Variants in KLHL29 observed in about 807,000 individuals in gnomAD.
The protein encoded by KLHL29 is kelch-like protein 29.
KLHL29 carries 21 observed loss-of-function variants against 80.4 expected under a neutral mutation model. That is an observed-to-expected ratio of 0.26 (90% CI 0.19 to 0.38). KLHL29 has a LOEUF of 0.38. Ranked by LOEUF, KLHL29 falls within the 10% of genes least tolerant of loss-of-function variation. The pLI is 1.00. For missense variants in KLHL29, 867 were observed against 1,223.9 expected (o/e 0.71, Z 4.35); for synonymous variants, 511 against 526.8 (o/e 0.97, Z 0.41).
intron 2 of KLHL29, chr2:23,532,556 C>T (rs1304019194): frequency 4.4e-6 from 2 of 456,618 alleles, no homozygotes; most frequent in Admixed American, 2.3e-5. Context: ...GTTAAAATCT[C>T]ACTTTCACTT....
At chr2:23,436,535 A>G (rs1438061201) in intron 1 of KLHL29, among the ~76,000 whole-genome samples, 1 of 152,094 alleles carries the variant, frequency 6.6e-6, no homozygotes, top group Non-Finnish European at 1.5e-5. Flanking sequence ...AGCTGCACAG[A>G]TAAAAGCAGA....
At chr2:23,600,886 TA>T (rs1668552717) in intron 3 of KLHL29, among the ~76,000 whole-genome samples, 1 of 152,164 alleles carries the variant, frequency 6.6e-6, no homozygotes, top group African/African-American at 2.4e-5. Context: ...GTGAGAATAA[TA>T]ACAGCCAGTA....
Position 23,647,492 on chromosome 2 carries a change from G to T in KLHL29, c.940+4642G>T, listed in dbSNP as rs1385407946. Among the ~76,000 whole-genome samples the T allele has an allele frequency of 6.6e-6, 1 of 152,154 alleles. No homozygotes were observed. The highest frequency in any genetic ancestry group is 1.5e-5 in the Non-Finnish European group (1 of 68,030). ...GCCCTTTGTCCACCTCTAGCACTAA[G>T]TCTGAAAACTCAATCGATTCAGGTT... On this transcript the variant is annotated intron_variant, in intron 5 of 13. Transcript: ENST00000486442. This position sits in a 1 kb window ranked among gnomAD's most constrained non-coding sequence, Gnocchi z 4.9.
intron 2 of KLHL29, among the ~76,000 whole-genome samples, chr2:23,500,858 G>T (rs535606921): frequency 6.6e-6 from 1 of 152,286 alleles, no homozygotes; most frequent in African/African-American, 2.4e-5. Flanking sequence ...TTTGAGTTCA[G>T]TTCACGAGGT....
chr2:23,502,569 C>G (rs968311983), intron 2 of KLHL29, among the ~76,000 whole-genome samples: 2 of 152,256 alleles, frequency 1.3e-5, no homozygotes, highest in Non-Finnish European at 2.9e-5. Flanking sequence ...ATCCTCTGAC[C>G]CGCATGAAAT....
In KLHL29 at chr2:23,684,508, C is replaced by T; in HGVS notation, c.1050C>T (p.Cys350=). The T allele has an allele frequency of 6.5e-7, 1 of 1,550,144 alleles. No homozygotes were observed. Among genetic ancestry groups the T allele is most frequent in the Non-Finnish European group, 8.7e-7 (1 of 1,146,618 alleles). The part of the protein sequence containing the change: ...FEVHQNVLAS[C]SLYFKDLIQR... ...TCCACCAAAATGTTCTAGCTTCCTG[C>T]AGCTTGTATTTCAAGGACCTGATTC... The change falls in exon 6 of 14, where the codon TGC becomes TGT. Residue 350 remains cysteine (C), a synonymous_variant. Transcript: ENST00000486442. The surrounding 1 kb of genome is among the most constrained non-coding windows in gnomAD (Gnocchi z 4.4).
At chr2:23,535,415 T>C (rs1444647144) in intron 2 of KLHL29, among the ~76,000 whole-genome samples, 2 of 152,244 alleles carry the variant, frequency 1.3e-5, no homozygotes, top group African/African-American at 2.4e-5. Flanking sequence ...AAGATTAAAA[T>C]TAATGTAAAA....
intron 2 of KLHL29, among the ~76,000 whole-genome samples, chr2:23,509,494 C>G (rs1354109157): frequency 6.6e-6 from 1 of 152,040 alleles, no homozygotes. Context: ...TCGCCACTCC[C>G]TCCTCTTTAA....
intron 1 of KLHL29, among the ~76,000 whole-genome samples, chr2:23,413,471 C>A (rs1167041283): frequency 6.6e-6 from 1 of 152,188 alleles, no homozygotes; most frequent in African/African-American, 2.4e-5. Flanking sequence ...TCCACTGAGC[C>A]AGGACTGCCA....
intron 2 of KLHL29, among the ~76,000 whole-genome samples, chr2:23,530,990 T>C (rs903021576): frequency 3.9e-5 from 6 of 152,210 alleles, no homozygotes; most frequent in Admixed American, 2.6e-4. Flanking sequence ...GTGGGGTGTT[T>C]AACTGGGTGT....
chr2:23,393,554 A>T (rs145531094), intron 1 of KLHL29, among the ~76,000 whole-genome samples: 14 of 152,314 alleles, frequency 9.2e-5, no homozygotes, highest in African/African-American at 2.9e-4. Flanking sequence ...TTTTAAGGAA[A>T]AAATGAAACA....
At chr2:23,672,109 C>T (rs1422558991) in intron 5 of KLHL29, 1 of 152,314 alleles carries the variant, frequency 6.6e-6, no homozygotes, top group Non-Finnish European at 1.5e-5. Flanking sequence ...TCACGGCCAC[C>T]ATGGCCATCA....
chr2:23,671,723 G>A (rs956139544), intron 5 of KLHL29, among the ~76,000 whole-genome samples: 2 of 152,182 alleles, frequency 1.3e-5, no homozygotes, highest in East Asian at 1.9e-4. Flanking sequence ...CCAGCCAGCC[G>A]GGGCCTCCGA....
intron 2 of KLHL29, among the ~76,000 whole-genome samples, chr2:23,486,879 A>C (rs75242747): frequency 6.6e-6 from 1 of 152,256 alleles, no homozygotes; most frequent in South Asian, 2.1e-4. Context: ...GGCATGACTG[A>C]GTCTGTGAAC....
At chr2:23,624,051 T>A (rs1669250814) in intron 3 of KLHL29, among the ~76,000 whole-genome samples, 1 of 152,156 alleles carries the variant, frequency 6.6e-6, no homozygotes, top group Non-Finnish European at 1.5e-5. Context: ...TGGGCTTACT[T>A]GGAGGTATTT....
chr2:23,397,189 G>A (rs1666472908), intron 1 of KLHL29, among the ~76,000 whole-genome samples: 1 of 152,172 alleles, frequency 6.6e-6, no homozygotes, highest in Admixed American at 6.5e-5. Flanking sequence ...TGCCTTGATG[G>A]GATAAAGGCA....
intron 3 of KLHL29, among the ~76,000 whole-genome samples, chr2:23,626,723 C>A (rs1261619433): frequency 6.6e-6 from 1 of 152,238 alleles, no homozygotes; most frequent in Admixed American, 6.5e-5. Context: ...CGCCGCCCTG[C>A]CTGCGTGGAT....
At chr2:23,508,864 T>A (rs1665686687) in intron 2 of KLHL29, among the ~76,000 whole-genome samples, 1 of 152,198 alleles carries the variant, frequency 6.6e-6, no homozygotes, top group South Asian at 2.1e-4. Context: ...GCAGCTTCCC[T>A]GTCATGGAGA....
At chr2:23,496,486 C>CT (rs1431644133) in intron 2 of KLHL29, among the ~76,000 whole-genome samples, 4 of 151,972 alleles carry the variant, frequency 2.6e-5, no homozygotes, top group African/African-American at 9.7e-5. Flanking sequence ...CCTCCTCCCT[C>CT]TCCCCCATCC....
Sources: gnomAD v4.1 joint callset for allele counts (sites outside exome capture counted in the v4.1 genomes callset) on GRCh38, gnomAD v4.1.1 for gene constraint, Gnocchi (gnomAD v3.1) non-coding constraint, MANE v1.5 for transcripts, NCBI Gene and HGNC (gene_info 2026-07-23, HGNC 2026-07-21) for gene names.